The following BAIAP2L2 variants were observed in gnomAD, a reference collection of about 807,000 sequenced individuals.
The protein encoded by BAIAP2L2 is BAR/IMD domain-containing adapter protein 2-like 2.
BAIAP2L2 carries 65 observed loss-of-function variants against 60.4 expected under a neutral mutation model. The observed-to-expected ratio is 1.08, with a 90% CI of 0.88 to 1.32. The LOEUF (loss-of-function observed/expected upper bound fraction) is 1.32. Among genes scored for constraint, BAIAP2L2 ranks in the 40% most tolerant of loss-of-function variants. The probability of loss-of-function intolerance (pLI) is 0.00; values close to 1 mark genes in which losing one functional copy is unlikely to be tolerated. For synonymous variants in BAIAP2L2, 344 were observed against 301.7 expected, an observed-to-expected ratio of 1.14 and a Z score of -1.45; for missense variants, 836 against 741.2, an observed-to-expected ratio of 1.13 and a Z score of -1.48.
rs112779975 is a variant in BAIAP2L2, at chr22:38,088,705, T to G, written c.1118+43A>C. ...CCCCGGGTTCCCGGCCCCCAGGGCCTTCTTCTCAACCCACCCCCGGCCCCT... is the reference window on the plus strand; with the variant it reads ...CCCCGGGTTCCCGGCCCCCAGGGCCGTCTTCTCAACCCACCCCCGGCCCCT... On this transcript the variant is annotated intron_variant, in intron 10 of 13. Coordinates refer to ENST00000381669, the MANE Select transcript of BAIAP2L2 (RefSeq NM_025045.6). 228 of 1,527,290 alleles carry G rather than the reference T, an allele frequency of 1.5e-4. 1 individual carries two copies. In the African/African-American group the frequency reaches 1.9e-3, roughly 12 times the overall value. The allele number at this position is 1,527,290 out of a possible 1,614,324, so 94.6% of individuals were successfully genotyped here.
intron 7 of BAIAP2L2, chr22:38,093,817 A>G (rs1482837310): frequency 2.3e-6 from 1 of 439,972 alleles, no homozygotes; most frequent in Non-Finnish European, 4.6e-6. Flanking sequence ...ACATAGAGTT[A>G]CCATATGGCC....
In BAIAP2L2 at chr22:38,098,092, T is replaced by C. The variant is rs761314064; in HGVS notation, c.436A>G (p.Lys146Glu). ...CMSELWRMER[K>E]RDKNVREMKE... is the part of the protein sequence containing the mutation. The stretch of plus-strand genomic sequence containing the variant: ...ATCTCCCGCACGTTCTTGTCTCTCT[T>C]GCGCTCCATGCGCCACAGCTCAGAC... Residue 146 changes from lysine to glutamate, a missense_variant, in exon 6 of 14, where the codon AAG (lysine) becomes GAG (glutamate). By Grantham distance (56) the Lys-to-Glu change is moderately conservative. Coordinates refer to ENST00000381669, the MANE Select transcript of BAIAP2L2 (RefSeq NM_025045.6). The C allele has an allele frequency of 7.0e-6, 11 of 1,563,382 alleles. No homozygotes were observed. The East Asian group carries it at 1.2e-4, about 17-fold the overall frequency.
chr22:38,088,944 C>T lies in BAIAP2L2; in HGVS notation c.922G>A (p.Ala308Thr), dbSNP rs1035961577. 3.9e-6 allele frequency: 6 copies of T among 1,533,698 alleles called. No homozygotes were observed. Among genetic ancestry groups the T allele is most frequent in the Non-Finnish European group, 5.2e-6 (6 of 1,145,986 alleles). The change falls in exon 10 of 14, where the codon GCC (alanine) becomes ACC (threonine). Residue 308 changes from alanine (A) to threonine (T), a missense_variant. By Grantham distance (58) the Ala-to-Thr change is moderately conservative. Transcript: ENST00000381669. ...AAGGAGTTGGAGCGCGAGCTTTGGG[C>T]GCTGCCGCTGTAGAGCGAGGCTGTG... ...PSASSLYSGS[A>T]QSSRSNSFGE...
chr22:38,102,537 G>GA (rs1242666324), intron 4 of BAIAP2L2, among the ~76,000 whole-genome samples: 2 of 151,968 alleles, frequency 1.3e-5, no homozygotes, highest in East Asian at 3.9e-4. Context: ...GTTATTATTA[G>GA]AAAAAAGAGA....
intron 10 of BAIAP2L2, among the ~76,000 whole-genome samples, chr22:38,088,546 C>T (rs781569265): frequency 6.6e-6 from 1 of 152,216 alleles, no homozygotes; most frequent in South Asian, 2.1e-4. Context: ...GACCGTCATC[C>T]TGAACTTGGT....
At position 38,109,943 on chromosome 22, in the gene BAIAP2L2, C is replaced by T. The variant is rs111974131; in HGVS notation, c.51+532G>A. On this transcript the variant is annotated intron_variant, in intron 1 of 13. Coordinates refer to ENST00000381669, the MANE Select transcript of BAIAP2L2 (RefSeq NM_025045.6). ...GGCCTCCAGGTGAAAGGGTCCTGCA[C>T]ACAGGAGGCGCTCAATAAATGTCTG... Among the ~76,000 whole-genome samples the T allele has an allele frequency of 7.6e-3, 1,139 of 150,136 alleles. 18 individuals carry two copies. The highest frequency in any genetic ancestry group is 0.027 in the African/African-American group (1,091 of 40,690).
chr22:38,104,535 G>A (rs1367892489), intron 4 of BAIAP2L2, among the ~76,000 whole-genome samples: 5 of 145,590 alleles, frequency 3.4e-5, no homozygotes, highest in Non-Finnish European at 6.0e-5. Flanking sequence ...TTGCTCTGTC[G>A]CCCAGGCTGG....
At chr22:38,085,783 T>G (rs2086046254) in intron 12 of BAIAP2L2, 51 bp from the exon 13 acceptor site, 1 of 1,482,658 alleles carries the variant, frequency 6.7e-7, no homozygotes. Context: ...GGGCAAGCAA[T>G]CCCTTGCTCC....
At chr22:38,092,466 G>A (rs929730152) in intron 7 of BAIAP2L2, among the ~76,000 whole-genome samples, 13 of 151,912 alleles carry the variant, frequency 8.6e-5, no homozygotes, top group Non-Finnish European at 1.6e-4. Flanking sequence ...TAGTAGAGAC[G>A]GGGTTTCACC....
chr22:38,092,168 G>A (rs756088667), intron 7 of BAIAP2L2, among the ~76,000 whole-genome samples: 9 of 152,230 alleles, frequency 5.9e-5, no homozygotes, highest in South Asian at 2.1e-4. Flanking sequence ...GGGAAGGCAC[G>A]TTACTGACTA....
chr22:38,096,302 TGA>T (rs1297571379), intron 7 of BAIAP2L2, among the ~76,000 whole-genome samples: 4 of 152,166 alleles, frequency 2.6e-5, no homozygotes, highest in Admixed American at 6.5e-5. Flanking sequence ...CAATGAGAGA[TGA>T]GAGAGTCTGA....
rs751676680 is a variant in BAIAP2L2, at chr22:38,089,191, C to T, written c.806G>A (p.Arg269Gln). 1.2e-5 allele frequency: 15 copies of T among 1,203,420 alleles called. No individual in the cohort carries two copies. The East Asian group carries it at 3.9e-4, about 31-fold the overall frequency. 74.5% of individuals were successfully genotyped at this position (1,203,420 alleles called of 1,614,324 possible). A position where few individuals can be genotyped will look rare whatever the true frequency, so the allele number is the denominator to read the frequency against. The part of the protein sequence containing the change: ...PLGEFSSPRS[R>Q]HGSGSYGTEP... ...GGTGCCGTAGGAGCCGGAGCCGTGC[C>T]GGCTGCGGGGGGAGCTGAACTCTCC... is the stretch of plus-strand genomic sequence containing the variant. The change falls in exon 9 of 14, where the codon CGG becomes CAG. Residue 269 changes from arginine to glutamine, a missense_variant. Arg to Gln is a conservative substitution (Grantham distance 43). Transcript: ENST00000381669.
upstream of BAIAP2L2, among the ~76,000 whole-genome samples, chr22:38,110,822 A>C (rs2086830684): frequency 6.6e-6 from 1 of 152,112 alleles, no homozygotes; most frequent in Non-Finnish European, 1.5e-5. Flanking sequence ...GTGGGCTGAT[A>C]CAAGTGCCCA....
chr22:38,086,443 G>A lies in BAIAP2L2; in HGVS notation c.1266C>T (p.Tyr422=), dbSNP rs1300530928. 2.0e-6 allele frequency: 3 copies of A among 1,502,396 alleles called. No individual in the cohort carries two copies. The highest frequency in any genetic ancestry group is 1.4e-5 in the African/African-American group (1 of 72,070). The allele number at this position is 1,502,396 out of a possible 1,614,324, so 93.1% of individuals were successfully genotyped here. A position where few individuals can be genotyped will look rare whatever the true frequency, so the allele number is the denominator to read the frequency against. ...NPGNELPSRS[Y]PLRGSHSLDD... ...CGAGGCTGTGGCTGCCCCGGAGTGG[G>A]TAGGACCTAAGTCCAGAGAAAGGAG... The change falls in exon 12 of 14, where the codon TAC becomes TAT. Residue 422 remains tyrosine, a synonymous_variant. Coordinates refer to ENST00000381669, the MANE Select transcript of BAIAP2L2 (RefSeq NM_025045.6).
At position 38,086,418 on chromosome 22, in the gene BAIAP2L2, C is replaced by A; in HGVS notation, c.1291G>T (p.Asp431Tyr). 2 of 1,525,220 alleles carry A rather than the reference C, an allele frequency of 1.3e-6. No individual in the cohort carries two copies. The highest frequency in any genetic ancestry group is 8.8e-7 in the Non-Finnish European group (1 of 1,131,620). The allele number at this position is 1,525,220 out of a possible 1,614,324, so 94.5% of individuals were successfully genotyped here. ...SYPLRGSHSL[D>Y]DLLDRPGNSI... Reference sequence around the variant, plus strand: ...TTGCCCGGCCGGTCCAGGAGGTCATCGAGGCTGTGGCTGCCCCGGAGTGGG... The same window carrying A: ...TTGCCCGGCCGGTCCAGGAGGTCATAGAGGCTGTGGCTGCCCCGGAGTGGG... The change falls in exon 12 of 14, where the codon GAT becomes TAT. Residue 431 changes from aspartate (D) to tyrosine (Y), a missense_variant. By Grantham distance (160) the Asp-to-Tyr change is radical. Transcript: ENST00000381669.
At chr22:38,104,797 A>C (rs937469750) in intron 4 of BAIAP2L2, among the ~76,000 whole-genome samples, 2 of 151,976 alleles carry the variant, frequency 1.3e-5, no homozygotes, top group Admixed American at 1.3e-4. Context: ...CACCCAGCCA[A>C]AAATTTTTTT....
chr22:38,109,125 G>A lies in BAIAP2L2; in HGVS notation c.127+8C>T, dbSNP rs753553354. The A allele has an allele frequency of 4.6e-5, 74 of 1,609,684 alleles. No individual in the cohort carries two copies. Among genetic ancestry groups the A allele is most frequent in the Middle Eastern group, 1.8e-4 (1 of 5,678 alleles). Reference sequence around the variant, plus strand: ...GGCTGGGGCTCGGTGGCCCGGGCAGGCACTCACCGTGGAAGGCACGCAGGT... The same window carrying A: ...GGCTGGGGCTCGGTGGCCCGGGCAGACACTCACCGTGGAAGGCACGCAGGT... On this transcript the variant is annotated splice_region_variant and intron_variant, in intron 2 of 13. Transcript: ENST00000381669.
intron 4 of BAIAP2L2, among the ~76,000 whole-genome samples, chr22:38,101,671 T>C (rs1427106105): frequency 1.4e-5 from 2 of 147,916 alleles, no homozygotes; most frequent in Non-Finnish European, 3.0e-5. Flanking sequence ...CTGGCCAACA[T>C]AGTGAAACCC....
chr22:38,108,415 A>AG, intron 2 of BAIAP2L2, 74 bp from the exon 3 acceptor site: 1 of 1,207,424 alleles, frequency 8.3e-7, no homozygotes, highest in Non-Finnish European at 1.2e-6. Flanking sequence ...TTTCATCTGG[A>AG]GGGGACTGTG....
Sources: allele counts gnomAD v4.1 joint callset (sites outside exome capture counted in the v4.1 genomes callset), GRCh38; gene constraint gnomAD v4.1.1; transcripts MANE v1.5; gene names NCBI Gene and HGNC (gene_info 2026-07-23, HGNC 2026-07-21).